Variants in DCAF6 observed in about 807,000 individuals in gnomAD.
DCAF6 encodes DDB1- and CUL4-associated factor 6.
In DCAF6, 54 loss-of-function variants were observed where a neutral mutation model predicts 125.1. The observed-to-expected ratio is 0.43, with a 90% CI of 0.35 to 0.54. DCAF6 has a LOEUF of 0.54. DCAF6 is among the 20% of genes least tolerant of loss of function. DCAF6 has a pLI of 0.01. For synonymous variants in DCAF6, 371 were observed against 390.4 expected (o/e 0.95, Z 0.58); for missense variants, 934 against 1,161.7 (o/e 0.80, Z 2.85).
intron 1 of DCAF6, among the ~76,000 whole-genome samples, chr1:167,938,489 T>C (rs1473545326): frequency 2.0e-5 from 3 of 152,218 alleles, no homozygotes; most frequent in African/African-American, 7.2e-5. Flanking sequence ...ATGAACATCA[T>C]TCTACAAGCT....
chr1:167,896,528 G>A, the DCAF6 span: 50 of 1,263,104 alleles, frequency 4.0e-5, no homozygotes, highest in South Asian at 9.6e-5. Context: ...TGAAGCTGTC[G>A]GCATTGATAT....
intron 2 of DCAF6, among the ~76,000 whole-genome samples, chr1:167,961,571 A>G (rs377239715): frequency 6.6e-5 from 10 of 152,150 alleles, no homozygotes; most frequent in African/African-American, 2.4e-4. Flanking sequence ...TTTATTTTCC[A>G]TATAGATGAT....
chr1:168,000,537 C>G (rs962238536), intron 7 of DCAF6, among the ~76,000 whole-genome samples: 13 of 151,946 alleles, frequency 8.6e-5, no homozygotes, highest in Non-Finnish European at 1.8e-4. Flanking sequence ...GAAACATGTT[C>G]CTACAGAAAC....
chr1:168,021,716 T>C (rs1448282717), intron 11 of DCAF6, among the ~76,000 whole-genome samples: 1 of 152,146 alleles, frequency 6.6e-6, no homozygotes, highest in Non-Finnish European at 1.5e-5. Flanking sequence ...AGATGGAAGA[T>C]TTAAAGTTGA....
At chr1:167,920,410 C>G in the DCAF6 span, 1 of 926,344 alleles carries the variant, frequency 1.1e-6, no homozygotes, top group South Asian at 1.9e-5. Flanking sequence ...AACTTAATAA[C>G]TTCCTAGACA....
At chr1:168,063,508 T>C (rs1218285906) in intron 17 of DCAF6, 113 bp from the exon 18 acceptor site, 4 of 904,400 alleles carry the variant, frequency 4.4e-6, no homozygotes, top group East Asian at 3.3e-5. Flanking sequence ...GGGTGCCTTA[T>C]TGAGATAGTG....
chr1:167,940,641 A>G (rs1170090348), intron 1 of DCAF6, among the ~76,000 whole-genome samples: 1 of 152,182 alleles, frequency 6.6e-6, no homozygotes, highest in Admixed American at 6.5e-5. Flanking sequence ...TTTATTAGCC[A>G]CACAGATTTT....
intron 7 of DCAF6, among the ~76,000 whole-genome samples, chr1:167,994,123 A>G (rs1380531141): frequency 1.3e-5 from 2 of 152,066 alleles, no homozygotes; most frequent in Non-Finnish European, 1.5e-5. Context: ...ATGTATTAGT[A>G]ATAATAAATC....
chr1:167,956,225 C>G (rs1368019070), intron 2 of DCAF6, among the ~76,000 whole-genome samples: 1 of 151,666 alleles, frequency 6.6e-6, no homozygotes, highest in Non-Finnish European at 1.5e-5. Flanking sequence ...TGGGAAATGT[C>G]TAACTATAAT....
At chr1:167,952,640 A>G (rs1274232501) in intron 2 of DCAF6, among the ~76,000 whole-genome samples, 1 of 152,052 alleles carries the variant, frequency 6.6e-6, no homozygotes, top group Non-Finnish European at 1.5e-5. Context: ...TCCTCCGCAT[A>G]TGTTCCTTCA....
intron 13 of DCAF6, among the ~76,000 whole-genome samples, chr1:168,039,609 TTTG>T (rs1688241543): frequency 6.8e-6 from 1 of 147,726 alleles, no homozygotes; most frequent in African/African-American, 2.5e-5. Flanking sequence ...TTGTATAATA[TTTG>T]TTAATATATA....
chr1:167,935,728 A>T (rs1671125996), upstream of DCAF6: 5 of 1,557,470 alleles, frequency 3.2e-6, no homozygotes, highest in Non-Finnish European at 4.3e-6. Context: ...TTCAGGGTCC[A>T]TTACCTGCTG....
the DCAF6 span, among the ~76,000 whole-genome samples, chr1:167,891,542 G>C: frequency 6.6e-6 from 1 of 151,648 alleles, no homozygotes; most frequent in African/African-American, 2.4e-5. Context: ...TGTAGTCCCA[G>C]CTACTCAGGA....
At chr1:167,904,737 G>A in the DCAF6 span, 16 of 613,112 alleles carry the variant, frequency 2.6e-5, no homozygotes, top group Non-Finnish European at 4.0e-5. Context: ...AGTTGGGGCA[G>A]AGATACTGGA....
chr1:167,874,882 A>G, the DCAF6 span, among the ~76,000 whole-genome samples: 1 of 152,232 alleles, frequency 6.6e-6, no homozygotes, highest in African/African-American at 2.4e-5. Context: ...TAATTATACA[A>G]TGTATGATTC....
chr1:167,984,643 T>C (rs965991291), intron 4 of DCAF6, among the ~76,000 whole-genome samples: 2 of 152,226 alleles, frequency 1.3e-5, no homozygotes, highest in Non-Finnish European at 2.9e-5. Context: ...TTAGATGGAA[T>C]ACTAATTACA....
At position 167,993,248 on chromosome 1, in the gene DCAF6, TACTGG is replaced by T. The variant is rs1419476707; in HGVS notation, c.713_717del (p.Thr238AsnfsTer11). 6.2e-7 allele frequency: 1 copy of T among 1,614,132 alleles called. No individual in the cohort carries two copies. The highest frequency in any genetic ancestry group is 1.3e-5 in the African/African-American group (1 of 75,062). On this transcript the variant is annotated frameshift_variant, in exon 7 of 22. Transcript: ENST00000367840. LOFTEE classifies it high-confidence loss of function. ...TAGGGAATTATGCAGGTCGAGGGAC[TACTGG>T]AATGGTTGCCCGTTTTATTCCTTCC...
chr1:167,999,552 T>A (rs1165372819), intron 7 of DCAF6, among the ~76,000 whole-genome samples: 1 of 152,216 alleles, frequency 6.6e-6, no homozygotes, highest in Non-Finnish European at 1.5e-5. Context: ...ATCAATTATC[T>A]TAGCTAGATC....
At chr1:167,957,329 C>T (rs1004447621) in intron 2 of DCAF6, among the ~76,000 whole-genome samples, 1 of 152,062 alleles carries the variant, frequency 6.6e-6, no homozygotes, top group African/African-American at 2.4e-5. Flanking sequence ...CGTATTCTGA[C>T]ATTTCATATA....
Sources: gnomAD v4.1 joint callset for allele counts (sites outside exome capture counted in the v4.1 genomes callset) on GRCh38, gnomAD v4.1.1 for gene constraint, MANE v1.5 for transcripts, NCBI Gene and HGNC (gene_info 2026-07-23, HGNC 2026-07-21) for gene names.